The following BTBD7 variants were observed in gnomAD, a reference collection of about 807,000 sequenced individuals.
BTBD7 encodes the protein BTB/POZ domain-containing protein 7.
Under a neutral mutation model 99.9 loss-of-function variants are expected in BTBD7, and 38 were observed. The ratio of observed to expected loss-of-function variants is 0.38; its 90% CI spans 0.29 to 0.50. The LOEUF (loss-of-function observed/expected upper bound fraction) is 0.50. Ranked by LOEUF, BTBD7 falls within the 20% of genes least tolerant of loss-of-function variation. BTBD7 has a pLI of 0.93. For synonymous variants in BTBD7, 520 were observed against 511.4 expected, an observed-to-expected ratio of 1.02 and a Z score of -0.23; for missense variants, 1,170 against 1,394.6, an observed-to-expected ratio of 0.84 and a Z score of 2.57.
At position 93,239,799 on chromosome 14, in the gene BTBD7, C is replaced by T. The variant is rs1490018206; in HGVS notation, c.*2474G>A. Reference sequence around the variant, plus strand: ...ATAGTGGCCACTTACTTTTATATTTCAGGGATATGAGAGAATAGTTCATGA... The same window carrying T: ...ATAGTGGCCACTTACTTTTATATTTTAGGGATATGAGAGAATAGTTCATGA... On this transcript the variant is annotated 3_prime_UTR_variant, in exon 11 of 11. Transcript: ENST00000334746. 6.6e-6 allele frequency: 1 copy of T among 152,382 alleles called. No homozygotes were observed. Among genetic ancestry groups the T allele is most frequent in the Non-Finnish European group, 1.5e-5 (1 of 68,026 alleles). 9.4% of individuals were successfully genotyped at this position (152,382 alleles called of 1,614,324 possible).
chr14:93,329,727 G>A (rs2053378188), intron 1 of BTBD7, among the ~76,000 whole-genome samples: 1 of 152,130 alleles, frequency 6.6e-6, no homozygotes, highest in South Asian at 2.1e-4. Flanking sequence ...TCACTTATAC[G>A]TGGTACTTAC....
At chr14:93,285,995 G>A (rs2052772824) in intron 3 of BTBD7, among the ~76,000 whole-genome samples, 1 of 152,138 alleles carries the variant, frequency 6.6e-6, no homozygotes, top group Non-Finnish European at 1.5e-5. Context: ...TCCACAACAT[G>A]GAAGCCCAGT....
At position 93,257,299 on chromosome 14, in the gene BTBD7, G is replaced by A. The variant is rs142949185; in HGVS notation, c.1504C>T (p.Arg502Trp). The A allele has an allele frequency of 4.8e-5, 77 of 1,614,000 alleles. No homozygotes were observed. The highest frequency in any genetic ancestry group is 6.0e-5 in the Non-Finnish European group (71 of 1,179,952). Residue 502 changes from arginine to tryptophan, a missense_variant, in exon 6 of 11, where the codon CGG becomes TGG. By Grantham distance (101) the Arg-to-Trp change is moderately radical (BLOSUM62 -3). Around this residue, in one of 4 missense-constraint regions of BTBD7, gnomAD observed 309 missense variants for 342.0 expected, o/e 0.90. Transcript: ENST00000334746. The part of the protein sequence containing the change: ...HSVNKRGVKR[R>W]DLDMEELREI... ...CTGAGCTCTTCCATGTCCAGGTCCC[G>A]TCTTTTTACACCTCTTTTGTTCACA...
At chr14:93,312,829 T>C (rs2053154033) in intron 1 of BTBD7, among the ~76,000 whole-genome samples, 1 of 152,222 alleles carries the variant, frequency 6.6e-6, no homozygotes, top group Admixed American at 6.5e-5. Flanking sequence ...CCACTGCCAC[T>C]GTACCCTCTC....
At position 93,238,382 on chromosome 14, in the gene BTBD7, C is replaced by T. The variant is rs923929992; in HGVS notation, c.*3891G>A. ...AGCGTTAATGGAAAACAGTAAAACA[C>T]CTTTTAGCAGTGTGCATGTTAAGTC... On this transcript the variant is annotated 3_prime_UTR_variant, in exon 11 of 11. Coordinates refer to ENST00000334746, the MANE Select transcript of BTBD7 (RefSeq NM_001002860.4). 1 of 152,398 alleles carries T rather than the reference C, an allele frequency of 6.6e-6. No homozygotes were observed. The highest frequency in any genetic ancestry group is 1.5e-5 in the Non-Finnish European group (1 of 68,036). The allele number at this position is 152,398 out of a possible 1,614,324, so 9.4% of individuals were successfully genotyped here.
chr14:93,285,216 T>A (rs1037515827), intron 3 of BTBD7, among the ~76,000 whole-genome samples: 4 of 152,142 alleles, frequency 2.6e-5, no homozygotes, highest in African/African-American at 9.7e-5. Context: ...GTGAAATGGA[T>A]GAGTGAGTGG....
At chr14:93,317,459 C>G (rs566479259) in intron 1 of BTBD7, among the ~76,000 whole-genome samples, 1 of 151,950 alleles carries the variant, frequency 6.6e-6, no homozygotes, top group African/African-American at 2.4e-5. Context: ...CTACAGCACT[C>G]AGCCTCCCAA....
chr14:93,332,573 G>A (rs999059104), intron 1 of BTBD7, among the ~76,000 whole-genome samples: 7 of 151,354 alleles, frequency 4.6e-5, no homozygotes, highest in Non-Finnish European at 8.9e-5. Context: ...CCTGCCCCAG[G>A]GACGGCGGCG....
In BTBD7 at chr14:93,296,073, T is replaced by G; in HGVS notation, c.-22A>C. On this transcript the variant is annotated 5_prime_UTR_variant, in exon 2 of 11. Transcript: ENST00000334746. ...CCATTTTCTTCAGTCACTCAGGCAT[T>G]CCGTCTGCGGGTTCTTCAGAGTATA... is the stretch of plus-strand genomic sequence containing the variant. The G allele has an allele frequency of 6.2e-7, 1 of 1,612,060 alleles. No individual in the cohort carries two copies. Among genetic ancestry groups the G allele is most frequent in the Non-Finnish European group, 8.5e-7 (1 of 1,179,170 alleles).
intron 2 of BTBD7, among the ~76,000 whole-genome samples, chr14:93,295,483 A>G (rs1407691156): frequency 2.0e-5 from 3 of 152,088 alleles, no homozygotes; most frequent in Non-Finnish European, 2.9e-5. Context: ...ATTAGTCTAA[A>G]TTTTTTTAGA....
chr14:93,240,895 G>C lies in BTBD7; in HGVS notation c.*1378C>G, dbSNP rs1404900124. 2 of 152,516 alleles carry C rather than the reference G, an allele frequency of 1.3e-5. No homozygotes were observed. Among genetic ancestry groups the C allele is most frequent in the East Asian group, 1.9e-4 (1 of 5,202 alleles). 9.4% of individuals were successfully genotyped at this position (152,516 alleles called of 1,614,324 possible). On this transcript the variant is annotated 3_prime_UTR_variant, in exon 11 of 11. Transcript: ENST00000334746. Reference sequence around the variant, plus strand: ...GAAAACAATTTTTTTCCTTTTTTCTGTTGGTGAGAAAGCATTATGCATTAC... The same window carrying C: ...GAAAACAATTTTTTTCCTTTTTTCTCTTGGTGAGAAAGCATTATGCATTAC...
chr14:93,242,131 C>A lies in BTBD7; in HGVS notation c.*142G>T. 5.9e-6 allele frequency: 4 copies of A among 682,142 alleles called. No homozygotes were observed. The highest frequency in any genetic ancestry group is 2.2e-5 in the South Asian group (1 of 45,212). The allele number at this position is 682,142 out of a possible 1,614,324, so 42.3% of individuals were successfully genotyped here. On this transcript the variant is annotated 3_prime_UTR_variant, in exon 11 of 11. Coordinates refer to ENST00000334746, the MANE Select transcript of BTBD7 (RefSeq NM_001002860.4). ...TTCTTAGCATGCCATGTCTAATAAACACATATATACACAAAAACTAGAACA... is the reference window on the plus strand; with the variant it reads ...TTCTTAGCATGCCATGTCTAATAAAAACATATATACACAAAAACTAGAACA...
At chr14:93,281,713 T>C (rs1404025187) in intron 3 of BTBD7, among the ~76,000 whole-genome samples, 1 of 152,222 alleles carries the variant, frequency 6.6e-6, no homozygotes, top group Non-Finnish European at 1.5e-5. Context: ...GATATGCACA[T>C]ATAAAGATTT....
chr14:93,316,832 T>G (rs2053212641), intron 1 of BTBD7, among the ~76,000 whole-genome samples: 1 of 152,150 alleles, frequency 6.6e-6, no homozygotes, highest in Non-Finnish European at 1.5e-5. Flanking sequence ...AATGCCCATG[T>G]AACATAGACA....
intron 3 of BTBD7, among the ~76,000 whole-genome samples, chr14:93,268,756 CTTTTT>C (rs61483726): frequency 8.3e-6 from 1 of 120,908 alleles, no homozygotes; most frequent in Non-Finnish European, 1.7e-5. Flanking sequence ...TAACTTAGAC[CTTTTT>C]TTTTTTTTTT....
intron 8 of BTBD7, 102 bp from the exon 9 acceptor site, chr14:93,248,756 A>G (rs545166984): frequency 2.2e-4 from 238 of 1,070,826 alleles, no homozygotes; most frequent in East Asian, 4.3e-4. Context: ...CCAGAATCTT[A>G]TAAGTTTTTA....
At chr14:93,330,804 GAC>G (rs2053393791) in intron 1 of BTBD7, among the ~76,000 whole-genome samples, 1 of 152,196 alleles carries the variant, frequency 6.6e-6, no homozygotes, top group African/African-American at 2.4e-5. Flanking sequence ...GTTTACCTGA[GAC>G]ACACTATAAA....
At chr14:93,311,231 C>A (rs1034529241) in intron 1 of BTBD7, among the ~76,000 whole-genome samples, 1 of 152,094 alleles carries the variant, frequency 6.6e-6, no homozygotes, top group Non-Finnish European at 1.5e-5. Context: ...GACAGTAGAG[C>A]CTTATTCAAA....
chr14:93,295,736 G>T (rs1469847574), intron 2 of BTBD7, among the ~76,000 whole-genome samples: 1 of 152,158 alleles, frequency 6.6e-6, no homozygotes, highest in South Asian at 2.1e-4. Context: ...TTTGCCTAAG[G>T]TAATTGGCAA....
Sources: allele counts gnomAD v4.1 joint callset (sites outside exome capture counted in the v4.1 genomes callset), GRCh38; gene constraint gnomAD v4.1.1; regional missense constraint gnomAD v4.1.1; transcripts MANE v1.5; gene names NCBI Gene and HGNC (gene_info 2026-07-23, HGNC 2026-07-21).